The following FGF12 variants were observed in gnomAD, a reference collection of about 807,000 sequenced individuals.
The protein encoded by FGF12 is fibroblast growth factor 12, also known as fibroblast growth factor 12B.
FGF12 carries 14 observed loss-of-function variants against 23.6 expected under a neutral mutation model. The observed-to-expected ratio is 0.59, with a 90% CI of 0.39 to 0.93. FGF12 has a LOEUF of 0.93. Among genes scored for constraint, FGF12 ranks in the 40% least tolerant of loss-of-function variants. The probability of loss-of-function intolerance (pLI) is 0.00; values close to 1 mark genes in which losing one functional copy is unlikely to be tolerated. For missense variants in FGF12, 175 were observed against 217.8 expected, an observed-to-expected ratio of 0.80 and a Z score of 1.24; for synonymous variants, 62 against 77.3, an observed-to-expected ratio of 0.80 and a Z score of 1.04.
intron 4 of FGF12, among the ~76,000 whole-genome samples, chr3:192,183,099 G>A (rs1716269152): frequency 6.6e-6 from 1 of 152,192 alleles, no homozygotes; most frequent in Non-Finnish European, 1.5e-5. Flanking sequence ...CGTGGACTGG[G>A]ACGCAGCATG....
chr3:192,387,700 A>G (rs77779919), intron 2 of FGF12, among the ~76,000 whole-genome samples: 1 of 146,546 alleles, frequency 6.8e-6, no homozygotes, highest in African/African-American at 2.6e-5. Context: ...AATACAAAAA[A>G]AAAATACACA....
chr3:192,218,454 T>TGTTCTCATGATAGTGAGTGA (rs1718310165), intron 4 of FGF12, among the ~76,000 whole-genome samples: 1 of 152,184 alleles, frequency 6.6e-6, no homozygotes, highest in African/African-American at 2.4e-5. Context: ...CCTTTGGTGC[T>TGTTCTCATGATAGTGAGTGA]GTTCTCATGA....
chr3:192,599,200 G>A (rs1448726394), intron 2 of FGF12, among the ~76,000 whole-genome samples: 1 of 151,114 alleles, frequency 6.6e-6, no homozygotes, highest in Non-Finnish European at 1.5e-5. Context: ...CATGGCACGT[G>A]TATACCTATG....
chr3:192,598,366 T>C (rs1266871034), intron 2 of FGF12, among the ~76,000 whole-genome samples: 1 of 152,210 alleles, frequency 6.6e-6, no homozygotes, highest in Non-Finnish European at 1.5e-5. Context: ...TCTGCCTTAC[T>C]AGCTGGCTGA....
intron 4 of FGF12, among the ~76,000 whole-genome samples, chr3:192,202,570 C>T (rs958938619): frequency 6.6e-5 from 10 of 152,088 alleles, no homozygotes; most frequent in African/African-American, 1.2e-4. Flanking sequence ...TTTTTGACAA[C>T]GGTTTCTTTA....
chr3:192,297,753 CTA>C (rs1281287442), intron 4 of FGF12, among the ~76,000 whole-genome samples: 1 of 152,132 alleles, frequency 6.6e-6, no homozygotes, highest in Non-Finnish European at 1.5e-5. Context: ...AATAGAATCT[CTA>C]TTTGAAATAG....
intron 2 of FGF12, among the ~76,000 whole-genome samples, chr3:192,485,255 T>C (rs1393775846): frequency 2.6e-5 from 4 of 152,182 alleles, no homozygotes; most frequent in Non-Finnish European, 5.9e-5. Context: ...TGCCACAAAA[T>C]TTTGAAACGA....
At chr3:192,677,247 G>A (rs1717358379) in intron 2 of FGF12, among the ~76,000 whole-genome samples, 1 of 152,120 alleles carries the variant, frequency 6.6e-6, no homozygotes, top group South Asian at 2.1e-4. Flanking sequence ...AGAGTTAACT[G>A]GGCCTAGTTC....
intron 2 of FGF12, among the ~76,000 whole-genome samples, chr3:192,606,342 C>T (rs763679971): frequency 1.9e-4 from 29 of 152,002 alleles, no homozygotes; most frequent in Middle Eastern, 3.4e-3. Context: ...GACATATAGA[C>T]GGCCGTAACT....
At chr3:192,620,229 A>C (rs540381615) in intron 2 of FGF12, among the ~76,000 whole-genome samples, 1 of 136,486 alleles carries the variant, frequency 7.3e-6, no homozygotes, top group East Asian at 2.1e-4. Flanking sequence ...AACAAGATCA[A>C]TTACACACAC....
chr3:192,479,175 C>T (rs919780267), intron 2 of FGF12, among the ~76,000 whole-genome samples: 10 of 152,326 alleles, frequency 6.6e-5, no homozygotes, highest in Admixed American at 6.5e-4. Context: ...CTCCCTCCTT[C>T]TCCTCACCAG....
intron 2 of FGF12, among the ~76,000 whole-genome samples, chr3:192,686,677 A>G (rs1373598554): frequency 1.3e-5 from 2 of 152,072 alleles, no homozygotes; most frequent in African/African-American, 4.8e-5. Context: ...CTCAGCAAGG[A>G]GATGTGTAAG....
rs1235339053 is a variant in FGF12 at position 192,663,259 on chromosome 3, T to A, written c.13+63922A>T. Among the ~76,000 whole-genome samples the A allele has an allele frequency of 2.6e-5, 4 of 152,224 alleles. No individual in the cohort carries two copies. The East Asian group carries it at 7.7e-4, about 29-fold the overall frequency. On this transcript the variant is annotated intron_variant, in intron 2 of 5. Transcript: ENST00000445105. ...CCAGATTTAGAATTAGAAGATCTGA[T>A]GATAATTGTAGTCTAGGGAATATTT...
chr3:192,709,095 G>A (rs1718581443), intron 2 of FGF12, among the ~76,000 whole-genome samples: 1 of 152,104 alleles, frequency 6.6e-6, no homozygotes, highest in South Asian at 2.1e-4. Context: ...CATCTGTTGT[G>A]TACTTTCAAG....
At chr3:192,589,087 A>G (rs1348959925) in intron 2 of FGF12, among the ~76,000 whole-genome samples, 1 of 151,866 alleles carries the variant, frequency 6.6e-6, no homozygotes, top group Non-Finnish European at 1.5e-5. Flanking sequence ...CTGTAATCCC[A>G]GCACTTTGGC....
chr3:192,447,922 A>G (rs1722407137), intron 2 of FGF12, among the ~76,000 whole-genome samples: 1 of 152,222 alleles, frequency 6.6e-6, no homozygotes, highest in African/African-American at 2.4e-5. Flanking sequence ...GGTAATTATC[A>G]TTCTGACTTT....
intron 2 of FGF12, among the ~76,000 whole-genome samples, chr3:192,487,581 G>T (rs1202733453): frequency 2.0e-5 from 3 of 152,088 alleles, no homozygotes; most frequent in Non-Finnish European, 2.9e-5. Context: ...GTCATTGCTG[G>T]ACCCTTTGAG....
chr3:192,673,580 T>A (rs1445063576), intron 2 of FGF12, among the ~76,000 whole-genome samples: 1 of 150,676 alleles, frequency 6.6e-6, no homozygotes, highest in Non-Finnish European at 1.5e-5. Context: ...GTTGCTCCCC[T>A]CCCTGTGTCC....
At chr3:192,474,308 C>T (rs2108815297) in intron 2 of FGF12, among the ~76,000 whole-genome samples, 1 of 152,282 alleles carries the variant, frequency 6.6e-6, no homozygotes, top group South Asian at 2.1e-4. Flanking sequence ...TCCTCTACTT[C>T]CAGGAACAAC....
Sources: gnomAD v4.1 joint callset for allele counts (sites outside exome capture counted in the v4.1 genomes callset) on GRCh38, gnomAD v4.1.1 for gene constraint, MANE v1.5 for transcripts, NCBI Gene and HGNC (gene_info 2026-07-23, HGNC 2026-07-21) for gene names.